Variants in SLC8A1 observed in about 807,000 individuals in gnomAD.
The protein encoded by SLC8A1 is sodium/calcium exchanger 1.
Under a neutral mutation model 68.3 loss-of-function variants are expected in SLC8A1, and 18 were observed. That is an observed-to-expected ratio of 0.26 (90% CI 0.18 to 0.39). The LOEUF is 0.39. Ranked by LOEUF, SLC8A1 falls within the 10% of genes least tolerant of loss-of-function variation. The pLI, the probability that SLC8A1 is intolerant of heterozygous loss-of-function variation, is 1.00. For missense variants in SLC8A1, 985 were observed against 1,156.7 expected, an observed-to-expected ratio of 0.85 and a Z score of 2.15; for synonymous variants, 475 against 415.5, an observed-to-expected ratio of 1.14 and a Z score of -1.74.
At chr2:40,357,610 TAA>T (rs1014782157) in intron 2 of SLC8A1, among the ~76,000 whole-genome samples, 7 of 151,668 alleles carry the variant, frequency 4.6e-5, no homozygotes, top group Non-Finnish European at 1.0e-4. Flanking sequence ...AAGGGAGCAG[TAA>T]ACCACTATGG....
intron 3 of SLC8A1, among the ~76,000 whole-genome samples, chr2:40,177,439 A>G (rs1388372292): frequency 6.6e-6 from 1 of 152,242 alleles, no homozygotes. Context: ...TTGGAGTGAC[A>G]TTTTAGAATA....
intron 2 of SLC8A1, among the ~76,000 whole-genome samples, chr2:40,356,915 A>C (rs1390264312): frequency 6.6e-6 from 1 of 152,204 alleles, no homozygotes; most frequent in Non-Finnish European, 1.5e-5. Flanking sequence ...AAAAATGACA[A>C]GGCACATGCC....
At chr2:40,502,263 C>G (rs1706101781) in intron 1 of SLC8A1, among the ~76,000 whole-genome samples, 1 of 152,062 alleles carries the variant, frequency 6.6e-6, no homozygotes, top group Admixed American at 6.6e-5. Flanking sequence ...TGTCATTCAT[C>G]TAACCCACTG....
intron 2 of SLC8A1, among the ~76,000 whole-genome samples, chr2:40,178,935 G>A (rs1347210832): frequency 6.6e-6 from 1 of 152,062 alleles, no homozygotes; most frequent in Non-Finnish European, 1.5e-5. Flanking sequence ...TGAGCAATTG[G>A]CTTACAGGTC....
At chr2:40,313,320 G>A (rs937247810) in intron 2 of SLC8A1, among the ~76,000 whole-genome samples, 2 of 151,990 alleles carry the variant, frequency 1.3e-5, no homozygotes, top group Non-Finnish European at 2.9e-5. Flanking sequence ...GTATGGAAAT[G>A]GTATAATTTG....
chr2:40,231,672 C>T (rs982747309), intron 2 of SLC8A1, among the ~76,000 whole-genome samples: 5 of 152,082 alleles, frequency 3.3e-5, no homozygotes, highest in African/African-American at 1.2e-4. Context: ...CAATTATATT[C>T]TCTCATCTCT....
intron 2 of SLC8A1, among the ~76,000 whole-genome samples, chr2:40,207,033 T>TGATAA (rs1329864657): frequency 2.0e-5 from 3 of 152,182 alleles, no homozygotes; most frequent in Non-Finnish European, 2.9e-5. Context: ...TGAAAAAGAA[T>TGATAA]GATAAGATAA....
intron 2 of SLC8A1, among the ~76,000 whole-genome samples, chr2:40,329,220 C>T (rs926464044): frequency 2.0e-5 from 3 of 152,130 alleles, no homozygotes; most frequent in Admixed American, 2.0e-4. Flanking sequence ...AAACCTTACG[C>T]AACCGTTAGG....
chr2:40,280,833 G>C (rs1300218766), intron 2 of SLC8A1, among the ~76,000 whole-genome samples: 1 of 152,182 alleles, frequency 6.6e-6, no homozygotes, highest in Non-Finnish European at 1.5e-5. Context: ...GGTGCTCTAG[G>C]CAGGAAGAAT....
At chr2:40,361,899 T>G (rs1674749992) in intron 2 of SLC8A1, among the ~76,000 whole-genome samples, 1 of 115,880 alleles carries the variant, frequency 8.6e-6, no homozygotes, top group South Asian at 3.0e-4. Context: ...TTTTTTTTTT[T>G]TTTTTTTTTT....
rs145727833 is a variant in SLC8A1 at position 40,407,758 on chromosome 2, T to C, written c.1808+20715A>G. ...GCACTTTGTGAATATTCAGTGAATATATTTTAAATACTTGACCTTCCTAAC... is the reference window on the plus strand; with the variant it reads ...GCACTTTGTGAATATTCAGTGAATACATTTTAAATACTTGACCTTCCTAAC... On this transcript the variant is annotated intron_variant, in intron 2 of 7. Coordinates refer to ENST00000406785, the Ensembl canonical transcript of SLC8A1. Among the ~76,000 whole-genome samples, 1,370 of 152,338 alleles carry C rather than the reference T, an allele frequency of 9.0e-3. 28 individuals carry two copies. Among genetic ancestry groups the C allele is most frequent in the African/African-American group, 0.032 (1,313 of 41,582 alleles).
At chr2:40,301,050 C>T (rs970732116) in intron 2 of SLC8A1, among the ~76,000 whole-genome samples, 17 of 152,134 alleles carry the variant, frequency 1.1e-4, no homozygotes, top group African/African-American at 3.6e-4. Flanking sequence ...GGAAGAAAAA[C>T]GTTCAAGGAA....
At chr2:40,493,551 G>A (rs1428123705) in intron 1 of SLC8A1, among the ~76,000 whole-genome samples, 1 of 150,758 alleles carries the variant, frequency 6.6e-6, no homozygotes, top group African/African-American at 2.4e-5. Context: ...GGTTCAGAAA[G>A]TGTAAATAAA....
intron 1 of SLC8A1, among the ~76,000 whole-genome samples, chr2:40,458,816 T>G (rs1187951313): frequency 1.3e-5 from 2 of 152,182 alleles, no homozygotes; most frequent in African/African-American, 4.8e-5. Flanking sequence ...TTAAGAAGGG[T>G]TCACTAGGCA....
At chr2:40,434,293 T>A (rs996971676) in intron 1 of SLC8A1, among the ~76,000 whole-genome samples, 14 of 152,228 alleles carry the variant, frequency 9.2e-5, no homozygotes, top group African/African-American at 2.9e-4. Context: ...AGCACACTGA[T>A]GTAGCTTATT....
intron 2 of SLC8A1, among the ~76,000 whole-genome samples, chr2:40,308,909 G>T (rs1350958090): frequency 1.3e-5 from 2 of 152,176 alleles, no homozygotes; most frequent in East Asian, 3.8e-4. Context: ...AAATCTTCCT[G>T]GGGAGGAGTG....
chr2:40,285,271 C>T (rs1056350223), intron 2 of SLC8A1, among the ~76,000 whole-genome samples: 2 of 152,130 alleles, frequency 1.3e-5, no homozygotes, highest in African/African-American at 2.4e-5. Context: ...CTACAATATA[C>T]ATCTGACAGA....
At chr2:40,436,406 G>A (rs938721859) in intron 1 of SLC8A1, among the ~76,000 whole-genome samples, 2 of 152,084 alleles carry the variant, frequency 1.3e-5, no homozygotes, top group African/African-American at 4.8e-5. Context: ...AAATCAGATT[G>A]TAAAGTCAAT....
chr2:40,382,839 T>A (rs1388835349), intron 2 of SLC8A1, among the ~76,000 whole-genome samples: 3 of 152,132 alleles, frequency 2.0e-5, no homozygotes, highest in Non-Finnish European at 4.4e-5. Context: ...TTATTTAAAA[T>A]TCCTACTTTG....
Sources: allele counts gnomAD v4.1 joint callset (sites outside exome capture counted in the v4.1 genomes callset), GRCh38; gene constraint gnomAD v4.1.1; transcripts MANE v1.5; gene names NCBI Gene and HGNC (gene_info 2026-07-23, HGNC 2026-07-21).